Variants in TNFRSF19 observed in about 807,000 individuals in gnomAD.
TNFRSF19 encodes the protein tumor necrosis factor receptor superfamily member 19.
TNFRSF19 carries 27 observed loss-of-function variants against 46.4 expected under a neutral mutation model. The ratio of observed to expected loss-of-function variants is 0.58; its 90% CI spans 0.43 to 0.80. TNFRSF19 has a LOEUF of 0.80. TNFRSF19 is among the 30% of genes least tolerant of loss of function. The pLI, the probability that TNFRSF19 is intolerant of heterozygous loss-of-function variation, is 0.00. For synonymous variants in TNFRSF19, 204 were observed against 205.0 expected, an observed-to-expected ratio of 1.00 and a Z score of 0.04; for missense variants, 511 against 530.8, an observed-to-expected ratio of 0.96 and a Z score of 0.37.
intron 3 of TNFRSF19, among the ~76,000 whole-genome samples, chr13:23,605,208 G>T (rs960073649): frequency 6.6e-6 from 1 of 152,170 alleles, no homozygotes; most frequent in Non-Finnish European, 1.5e-5. Flanking sequence ...CATATGAAAA[G>T]ATCCTCCATA....
chr13:23,631,359 A>G (rs1034448630), intron 5 of TNFRSF19, among the ~76,000 whole-genome samples: 4 of 152,194 alleles, frequency 2.6e-5, no homozygotes, highest in African/African-American at 7.2e-5. Flanking sequence ...AGATGAGCAT[A>G]ATTACACTGT....
intron 7 of TNFRSF19, among the ~76,000 whole-genome samples, chr13:23,664,585 G>C (rs190306834): frequency 6.6e-6 from 1 of 152,094 alleles, no homozygotes; most frequent in Non-Finnish European, 1.5e-5. Context: ...GCACCATTTT[G>C]TCTAATAACC....
chr13:23,597,044 C>T (rs1879782098), intron 3 of TNFRSF19, among the ~76,000 whole-genome samples: 1 of 152,006 alleles, frequency 6.6e-6, no homozygotes, highest in Non-Finnish European at 1.5e-5. Flanking sequence ...TATTTGAAAC[C>T]AAAGAGAACA....
intron 5 of TNFRSF19, among the ~76,000 whole-genome samples, chr13:23,645,076 T>G (rs1488786213): frequency 6.6e-6 from 1 of 152,236 alleles, no homozygotes; most frequent in East Asian, 1.9e-4. Flanking sequence ...TCAGAATCAT[T>G]CAATAATAAA....
At chr13:23,615,764 C>T (rs963908084) in intron 3 of TNFRSF19, 103 bp from the exon 4 acceptor site, 24 of 1,245,464 alleles carry the variant, frequency 1.9e-5, no homozygotes, top group Middle Eastern at 2.9e-4. Context: ...GGAAGGCCGA[C>T]ACTTGGTAAT....
intron 3 of TNFRSF19, among the ~76,000 whole-genome samples, chr13:23,609,915 GTTTTC>G (rs1880780956): frequency 6.6e-6 from 1 of 152,152 alleles, no homozygotes; most frequent in Non-Finnish European, 1.5e-5. Context: ...TTGCTTGTCA[GTTTTC>G]TCTAAAAAAC....
chr13:23,624,811 C>T (rs557363565), intron 4 of TNFRSF19, among the ~76,000 whole-genome samples: 23 of 151,134 alleles, frequency 1.5e-4, no homozygotes, highest in African/African-American at 4.6e-4. Flanking sequence ...AGTGCAATGG[C>T]GCGATCTTGG....
At chr13:23,579,445 C>G (rs370317324) in intron 1 of TNFRSF19, 1 of 152,806 alleles carries the variant, frequency 6.5e-6, no homozygotes, top group Non-Finnish European at 1.5e-5. Flanking sequence ...CAACCCCGCG[C>G]CCTGCGCCTT....
chr13:23,576,306 G>T (rs771930681), intron 1 of TNFRSF19, among the ~76,000 whole-genome samples: 4 of 151,942 alleles, frequency 2.6e-5, no homozygotes, highest in Non-Finnish European at 5.9e-5. Flanking sequence ...GCTAATTTTT[G>T]TATTTTTACA....
Position 23,659,312 on chromosome 13 carries a change from C to A in TNFRSF19, c.610+98C>A. 1 of 1,346,656 alleles carries A rather than the reference C, an allele frequency of 7.4e-7. No individual in the cohort carries two copies. Among genetic ancestry groups the A allele is most frequent in the Non-Finnish European group, 1.0e-6 (1 of 983,434 alleles). The allele number at this position is 1,346,656 out of a possible 1,614,324, so 83.4% of individuals were successfully genotyped here. ...CCACAAGAGACTTGGCTGAGACAAG[C>A]ACCAGTGAGTTGTGAAAGAACGCAG... On this transcript the variant is annotated intron_variant, in intron 6 of 9. Coordinates refer to ENST00000248484, the MANE Select transcript of TNFRSF19 (RefSeq NM_148957.4). The surrounding 1 kb of genome is among the most constrained non-coding windows in gnomAD (Gnocchi z 4.9).
chr13:23,590,167 T>C lies in TNFRSF19; in HGVS notation c.-17T>C, dbSNP rs1317359273. On this transcript the variant is annotated 5_prime_UTR_variant, in exon 2 of 10. Transcript: ENST00000248484. ...TTATTTAGAACTCTCCAACAATAAA[T>C]ACATTTGATAAGAAAGATGGCTTTA... 1 of 1,546,980 alleles carries C rather than the reference T, an allele frequency of 6.5e-7. No homozygotes were observed. The highest frequency in any genetic ancestry group is 2.3e-5 in the East Asian group (1 of 44,170).
intron 9 of TNFRSF19, among the ~76,000 whole-genome samples, chr13:23,672,661 C>T (rs888907526): frequency 5.9e-5 from 9 of 152,152 alleles, no homozygotes; most frequent in Admixed American, 2.0e-4. Context: ...ATACACTTAA[C>T]CTGGTATGTC....
rs754403350 is a variant in TNFRSF19, at chr13:23,626,768, C to G, written c.421C>G (p.Pro141Ala). The G allele has an allele frequency of 1.9e-6, 3 of 1,613,820 alleles. No individual in the cohort carries two copies. In the South Asian group the frequency reaches 3.3e-5, roughly 18 times the overall value. The stretch of plus-strand genomic sequence containing the variant: ...CATGGAGTGTGTGCCTTGTGGAGAC[C>G]CTCCTCCTCCTTACGAACCGCACTG... ...QDMECVPCGDPPPPYEPHCAS... is the reference protein window; with the variant it reads ...QDMECVPCGDAPPPYEPHCAS... The change falls in exon 5 of 10, where the codon CCT becomes GCT. Residue 141 changes from proline (P) to alanine (A), a missense_variant. Around this residue, in one of 3 missense-constraint regions of TNFRSF19, gnomAD observed 376 missense variants for 372.7 expected, o/e 1.01. Coordinates refer to ENST00000248484, the MANE Select transcript of TNFRSF19 (RefSeq NM_148957.4).
intron 5 of TNFRSF19, among the ~76,000 whole-genome samples, chr13:23,635,589 C>T (rs969306578): frequency 1.3e-5 from 2 of 152,010 alleles, no homozygotes. Context: ...ATGTTGGCCA[C>T]GCTGGTCTTG....
intron 5 of TNFRSF19, among the ~76,000 whole-genome samples, chr13:23,654,492 CTG>C (rs996191498): frequency 1.4e-4 from 22 of 152,140 alleles, no homozygotes; most frequent in African/African-American, 5.3e-4. Flanking sequence ...CCGAACATCT[CTG>C]TGGGCAGGTG....
chr13:23,651,637 A>G (rs1883638436), intron 5 of TNFRSF19, among the ~76,000 whole-genome samples: 1 of 152,114 alleles, frequency 6.6e-6, no homozygotes, highest in Non-Finnish European at 1.5e-5. Flanking sequence ...AACACATAAA[A>G]TGAAGTTTAT....
chr13:23,657,643 T>C (rs184078058), intron 5 of TNFRSF19, among the ~76,000 whole-genome samples: 158 of 152,354 alleles, frequency 1.0e-3, no homozygotes, highest in African/African-American at 3.7e-3. Context: ...TTAAGATATA[T>C]TGGCTAAGTA....
In TNFRSF19 at chr13:23,615,517, C is replaced by T. The variant is rs74975002; in HGVS notation, c.181-350C>T. 5.7e-3 allele frequency among the ~76,000 whole-genome samples: 864 copies of T among 152,250 alleles called. 10 individuals carry two copies. Among genetic ancestry groups the T allele is most frequent in the African/African-American group, 0.019 (771 of 41,526 alleles). On this transcript the variant is annotated intron_variant, in intron 3 of 9. Transcript: ENST00000248484. ...CTTAGAAGTGAGTGTGTGAATGTTT[C>T]CCTGGCGTTAGCTTCTGAGCATGCA...
At chr13:23,600,503 T>C (rs1006414126) in intron 3 of TNFRSF19, among the ~76,000 whole-genome samples, 2 of 152,192 alleles carry the variant, frequency 1.3e-5, no homozygotes, top group East Asian at 1.9e-4. Flanking sequence ...CCGATTTTCA[T>C]AGTAAATGTC....
Sources: allele counts gnomAD v4.1 joint callset (sites outside exome capture counted in the v4.1 genomes callset), GRCh38; gene constraint gnomAD v4.1.1; regional missense constraint gnomAD v4.1.1; non-coding constraint Gnocchi (gnomAD v3.1); transcripts MANE v1.5; gene names NCBI Gene and HGNC (gene_info 2026-07-23, HGNC 2026-07-21).